The following PPP2R5C variants were observed in gnomAD, a reference collection of about 807,000 sequenced individuals.
PPP2R5C encodes protein phosphatase 2 regulatory subunit B'gamma.
PPP2R5C carries 7 observed loss-of-function variants against 68.9 expected under a neutral mutation model. The observed-to-expected ratio is 0.10, with a 90% confidence interval of 0.06 to 0.19. PPP2R5C has a LOEUF of 0.19. Ranked by LOEUF, PPP2R5C falls within the 10% of genes least tolerant of loss-of-function variation. PPP2R5C has a pLI of 1.00. For synonymous variants in PPP2R5C, 210 were observed against 222.2 expected (o/e 0.95, Z 0.49); for missense variants, 348 against 641.3 (o/e 0.54, Z 4.94).
chr14:101,814,586 G>A (rs1181773583), intron 1 of PPP2R5C, among the ~76,000 whole-genome samples: 1 of 152,154 alleles, frequency 6.6e-6, no homozygotes, highest in African/African-American at 2.4e-5. Flanking sequence ...TGGGTCTAAT[G>A]TCTGCTCAGG....
chr14:101,838,639 A>T (rs2041267321), intron 1 of PPP2R5C, among the ~76,000 whole-genome samples: 1 of 152,240 alleles, frequency 6.6e-6, no homozygotes, highest in Non-Finnish European at 1.5e-5. Context: ...TGTGCCTCCC[A>T]GGCACATGAT....
At chr14:101,819,850 C>T (rs1196238975) in intron 1 of PPP2R5C, 1 of 152,298 alleles carries the variant, frequency 6.6e-6, no homozygotes, top group Non-Finnish European at 1.5e-5. Context: ...TCTCAAACCC[C>T]TGGGCTCAAA....
intron 1 of PPP2R5C, among the ~76,000 whole-genome samples, chr14:101,849,295 G>A (rs1461707836): frequency 1.3e-5 from 2 of 152,178 alleles, no homozygotes; most frequent in African/African-American, 2.4e-5. Context: ...TCAACCTCGT[G>A]TATCCTCAAC....
chr14:101,811,216 T>C (rs933974263), intron 1 of PPP2R5C, among the ~76,000 whole-genome samples: 1 of 152,218 alleles, frequency 6.6e-6, no homozygotes, highest in Non-Finnish European at 1.5e-5. Flanking sequence ...GGCTGTGAAT[T>C]TATTGTTTTT....
intron 1 of PPP2R5C, among the ~76,000 whole-genome samples, chr14:101,814,284 G>C (rs2039532658): frequency 6.6e-6 from 1 of 152,170 alleles, no homozygotes; most frequent in African/African-American, 2.4e-5. Context: ...GCAGCTCTCT[G>C]CAAAGTGACT....
chr14:101,771,445 G>A (rs2139973472), intron 2 of PPP2R5C, among the ~76,000 whole-genome samples: 1 of 152,068 alleles, frequency 6.6e-6, no homozygotes, highest in African/African-American at 2.4e-5. Flanking sequence ...ATATAAGATT[G>A]AGCAGCTGGG....
intron 3 of PPP2R5C, chr14:101,796,959 T>C (rs2038641028): frequency 6.1e-6 from 2 of 329,850 alleles, no homozygotes; most frequent in Non-Finnish European, 1.2e-5. Context: ...ATATTTATTA[T>C]TTTAACCATT....
At chr14:101,905,238 C>T (rs1175205391) in intron 9 of PPP2R5C, among the ~76,000 whole-genome samples, 1 of 152,230 alleles carries the variant, frequency 6.6e-6, no homozygotes, top group African/African-American at 2.4e-5. Flanking sequence ...CCTATAGTCC[C>T]AGCCACTCAG....
At chr14:101,762,489 A>G (rs2036604737) in intron 1 of PPP2R5C, among the ~76,000 whole-genome samples, 1 of 150,936 alleles carries the variant, frequency 6.6e-6, no homozygotes, top group African/African-American at 2.4e-5. Flanking sequence ...GCTGCGAGCA[A>G]GGGTGCTGCG....
At position 101,899,968 on chromosome 14, in the gene PPP2R5C, C is replaced by T. The variant is rs886234794; in HGVS notation, c.853-1751C>T. The stretch of plus-strand genomic sequence containing the variant: ...GTGGCGCAGTCATGGCTCACTGCAG[C>T]CTCAACCTCCTGGGCTCAAGCAATC... On this transcript the variant is annotated intron_variant, in intron 8 of 13. Transcript: ENST00000334743. This position sits in a 1 kb window ranked among gnomAD's most constrained non-coding sequence, Gnocchi z 4.2. 2.0e-5 allele frequency among the ~76,000 whole-genome samples: 3 copies of T among 152,064 alleles called. No individual in the cohort carries two copies. Among genetic ancestry groups the T allele is most frequent in the African/African-American group, 7.2e-5 (3 of 41,404 alleles).
At chr14:101,886,015 C>T (rs1177674196) in intron 5 of PPP2R5C, among the ~76,000 whole-genome samples, 1 of 152,212 alleles carries the variant, frequency 6.6e-6, no homozygotes, top group Non-Finnish European at 1.5e-5. Context: ...GGCGTGGTGG[C>T]TCACGCCTGT....
chr14:101,814,115 G>A (rs755704559), intron 1 of PPP2R5C, among the ~76,000 whole-genome samples: 10 of 152,234 alleles, frequency 6.6e-5, no homozygotes, highest in Non-Finnish European at 1.3e-4. Flanking sequence ...AAGTACTAGT[G>A]AGAATGGGTG....
At chr14:101,925,450 C>A in exon 14 of PPP2R5C, 1 of 1,146,672 alleles carries the variant, frequency 8.7e-7, no homozygotes, top group East Asian at 2.8e-5. Flanking sequence ...ATGGTGACTT[C>A]CCAGAGCCCG....
intron 2 of PPP2R5C, among the ~76,000 whole-genome samples, chr14:101,867,116 C>T (rs537773358): frequency 6.6e-6 from 1 of 151,802 alleles, no homozygotes; most frequent in South Asian, 2.1e-4. Context: ...ACTCGGGAGG[C>T]TGAGGCAAGA....
At chr14:101,783,737 CCT>C (rs2037954946) in intron 2 of PPP2R5C, among the ~76,000 whole-genome samples, 1 of 152,160 alleles carries the variant, frequency 6.6e-6, no homozygotes, top group Admixed American at 6.5e-5. Flanking sequence ...ACGGGGGAGC[CCT>C]GTCATTGGCC....
chr14:101,851,090 G>A (rs1044486501), intron 1 of PPP2R5C, among the ~76,000 whole-genome samples: 10 of 152,104 alleles, frequency 6.6e-5, no homozygotes, highest in East Asian at 1.9e-4. Context: ...CTGTGGGCTC[G>A]CGACTTGCAT....
chr14:101,775,993 C>T lies in PPP2R5C; in HGVS notation c.94-10025C>T, dbSNP rs374215749. ...CCGTAGCTTCCATTTGAGTGGCCGA[C>T]AAGTGTCTCAAATAGCATTTCAGAT... is the stretch of plus-strand genomic sequence containing the variant. On this transcript the variant is annotated intron_variant, in intron 2 of 14. Coordinates refer to the PPP2R5C transcript ENST00000328724. Among the ~76,000 whole-genome samples, 19 of 152,016 alleles carry T rather than the reference C, an allele frequency of 1.2e-4. 1 individual carries two copies. In the South Asian group the frequency reaches 3.5e-3, roughly 28 times the overall value.
At position 101,770,237 on chromosome 14, in the gene PPP2R5C, C is replaced by T. The variant is rs140915475; in HGVS notation, c.93+7267C>T. On this transcript the variant is annotated intron_variant, in intron 2 of 14. Coordinates refer to the PPP2R5C transcript ENST00000328724. ...GGGAATGTTTCTCAGTAGAGCATAG[C>T]TACATATATATTTAATATGTTTTAT... 2.6e-3 allele frequency among the ~76,000 whole-genome samples: 395 copies of T among 152,256 alleles called. 3 individuals are homozygous for T. Among genetic ancestry groups the T allele is most frequent in the Middle Eastern group, 0.014 (4 of 294 alleles).
At position 101,913,409 on chromosome 14, in the gene PPP2R5C, A is replaced by G. The variant is rs188564472; in HGVS notation, c.1326+936A>G. ...TAAAGTTAAAAGTATATCTTTACCT[A>G]TATAACAACATACTGGTTTGTATAC... On this transcript the variant is annotated intron_variant, in intron 12 of 13. Coordinates refer to ENST00000334743, the Ensembl canonical transcript of PPP2R5C. The surrounding 1 kb of genome is among the most constrained non-coding windows in gnomAD (Gnocchi z 4.1). Among the ~76,000 whole-genome samples, 107 of 152,376 alleles carry G rather than the reference A, an allele frequency of 7.0e-4. No homozygotes were observed. The highest frequency in any genetic ancestry group is 4.2e-3 in the East Asian group (22 of 5,188).
Sources: gnomAD v4.1 joint callset for allele counts (sites outside exome capture counted in the v4.1 genomes callset) on GRCh38, gnomAD v4.1.1 for gene constraint, Gnocchi (gnomAD v3.1) non-coding constraint, MANE v1.5 for transcripts, NCBI Gene and HGNC (gene_info 2026-07-23, HGNC 2026-07-21) for gene names.